Variants in TENM3 observed in about 807,000 individuals in gnomAD.
The protein encoded by TENM3 is teneurin-3.
A neutral mutation model predicts 255.1 loss-of-function variants in TENM3; 63 were observed. The ratio of observed to expected loss-of-function variants is 0.25; its 90% CI spans 0.20 to 0.30. The LOEUF (loss-of-function observed/expected upper bound fraction) is 0.30, where lower values mean the gene tolerates loss of function less well. Among genes scored for constraint, TENM3 ranks in the 10% least tolerant of loss-of-function variants. The pLI, the probability that TENM3 is intolerant of heterozygous loss-of-function variation, is 1.00. For synonymous variants in TENM3, 1,306 were observed against 1,322.3 expected (o/e 0.99, Z 0.27); for missense variants, 2,929 against 3,461.1 (o/e 0.85, Z 3.86).
the TENM3 span, among the ~76,000 whole-genome samples, chr4:182,108,843 G>T: frequency 2.0e-5 from 3 of 152,108 alleles, no homozygotes; most frequent in Admixed American, 6.5e-5. Context: ...TAACTAAGGA[G>T]TATTTTTAGT....
chr4:182,524,169 A>G (rs2151800115), intron 3 of TENM3, among the ~76,000 whole-genome samples: 1 of 152,308 alleles, frequency 6.6e-6, no homozygotes, highest in African/African-American at 2.4e-5. Flanking sequence ...TATTTGGAAA[A>G]AAGGAAGAAC....
chr4:182,510,740 A>G (rs2151715766), intron 3 of TENM3, among the ~76,000 whole-genome samples: 1 of 152,238 alleles, frequency 6.6e-6, no homozygotes, highest in South Asian at 2.1e-4. Flanking sequence ...TTAACCATAA[A>G]GCTTCTTTTT....
chr4:181,667,674 G>A, the TENM3 span, among the ~76,000 whole-genome samples: 4 of 152,160 alleles, frequency 2.6e-5, no homozygotes, highest in African/African-American at 9.7e-5. Context: ...CCAGTTGCCA[G>A]TCCCTCAATC....
chr4:182,443,479 C>G (rs1184017610), intron 3 of TENM3, among the ~76,000 whole-genome samples: 1 of 152,178 alleles, frequency 6.6e-6, no homozygotes, highest in Non-Finnish European at 1.5e-5. Context: ...GGGTCCTCAG[C>G]TCTTGCTACG....
chr4:181,893,362 G>A, the TENM3 span, among the ~76,000 whole-genome samples: 1 of 151,862 alleles, frequency 6.6e-6, no homozygotes, highest in African/African-American at 2.4e-5. Flanking sequence ...TAAACCTATG[G>A]AATAGACCTG....
At chr4:181,641,574 A>ATT in the TENM3 span, among the ~76,000 whole-genome samples, 1 of 78,322 alleles carries the variant, frequency 1.3e-5, no homozygotes, top group East Asian at 4.1e-4. Flanking sequence ...ATATATATAT[A>ATT]TATATATATA....
At chr4:181,706,247 G>C in the TENM3 span, among the ~76,000 whole-genome samples, 4 of 152,084 alleles carry the variant, frequency 2.6e-5, no homozygotes, top group African/African-American at 9.7e-5. Context: ...ATTGGATTAA[G>C]GCCCACCCCC....
intron 3 of TENM3, among the ~76,000 whole-genome samples, chr4:182,386,947 G>C (rs570208246): frequency 2.3e-4 from 35 of 152,362 alleles, no homozygotes; most frequent in South Asian, 1.2e-3. Flanking sequence ...CACATGGCGC[G>C]GGGCTGGCAG....
intron 1 of TENM3, among the ~76,000 whole-genome samples, chr4:182,210,758 C>T (rs914251099): frequency 5.3e-5 from 8 of 152,036 alleles, no homozygotes; most frequent in African/African-American, 1.9e-4. Flanking sequence ...GATCTCCAAA[C>T]TGCACTCTAT....
chr4:181,995,017 A>C, the TENM3 span, among the ~76,000 whole-genome samples: 1 of 152,192 alleles, frequency 6.6e-6, no homozygotes, highest in Non-Finnish European at 1.5e-5. Context: ...GGCTGGGTGC[A>C]GTGGCTCATG....
chr4:182,572,342 C>T (rs1004562984), intron 3 of TENM3, among the ~76,000 whole-genome samples: 1 of 152,196 alleles, frequency 6.6e-6, no homozygotes, highest in African/African-American at 2.4e-5. Context: ...AGTTACTTAT[C>T]TATCATATTG....
At chr4:182,567,388 A>G (rs995939087) in intron 3 of TENM3, among the ~76,000 whole-genome samples, 6 of 152,180 alleles carry the variant, frequency 3.9e-5, no homozygotes, top group Non-Finnish European at 5.9e-5. Flanking sequence ...TCTGTTCTCA[A>G]CATAGGCCAG....
At chr4:182,634,612 A>G (rs762405221) in intron 5 of TENM3, among the ~76,000 whole-genome samples, 33 of 151,726 alleles carry the variant, frequency 2.2e-4, no homozygotes, top group Admixed American at 1.4e-3. Context: ...GTTAGGTTCA[A>G]TGATTACAGT....
the TENM3 span, among the ~76,000 whole-genome samples, chr4:182,042,112 G>A: frequency 6.6e-6 from 1 of 152,074 alleles, no homozygotes; most frequent in Non-Finnish European, 1.5e-5. Flanking sequence ...ACACACACGT[G>A]CTTTCCCCAG....
chr4:182,327,280 T>C (rs533176891), intron 2 of TENM3, among the ~76,000 whole-genome samples: 5 of 152,274 alleles, frequency 3.3e-5, no homozygotes, highest in African/African-American at 4.8e-5. Flanking sequence ...CCAAATATCA[T>C]TGAAACAATT....
At chr4:181,704,617 C>T in the TENM3 span, among the ~76,000 whole-genome samples, 11 of 152,218 alleles carry the variant, frequency 7.2e-5, no homozygotes, top group African/African-American at 2.4e-4. Context: ...AGGAATTCTC[C>T]CATTTTGATC....
intron 5 of TENM3, among the ~76,000 whole-genome samples, chr4:182,634,707 TAAAAAA>T (rs11395245): frequency 1.7e-5 from 2 of 116,416 alleles, no homozygotes; most frequent in African/African-American, 3.0e-5. Context: ...ACTCTGAAAT[TAAAAAA>T]AAAAAAAAAA....
the TENM3 span, among the ~76,000 whole-genome samples, chr4:181,709,341 A>G: frequency 6.6e-6 from 1 of 152,248 alleles, no homozygotes; most frequent in Non-Finnish European, 1.5e-5. Flanking sequence ...CAAGCAATGC[A>G]TATTCTAGCT....
the TENM3 span, among the ~76,000 whole-genome samples, chr4:181,849,949 T>TCTCA: frequency 6.7e-4 from 44 of 65,958 alleles, no homozygotes; most frequent in Middle Eastern, 0.01. Flanking sequence ...TCTCTCTCTC[T>TCTCA]CACACACACA....
Sources: allele counts gnomAD v4.1 joint callset (sites outside exome capture counted in the v4.1 genomes callset), GRCh38; gene constraint gnomAD v4.1.1; transcripts MANE v1.5; gene names NCBI Gene and HGNC (gene_info 2026-07-23, HGNC 2026-07-21).